The following GRIK1 variants were observed in gnomAD, a reference collection of about 807,000 sequenced individuals.
GRIK1 encodes glutamate receptor ionotropic, kainate 1.
GRIK1 carries 69 observed loss-of-function variants against 105.7 expected under a neutral mutation model. The ratio of observed to expected loss-of-function variants is 0.65; its 90% CI spans 0.54 to 0.80. The LOEUF (loss-of-function observed/expected upper bound fraction) is 0.80. GRIK1 is among the 30% of genes least tolerant of loss of function. The probability of loss-of-function intolerance (pLI) is 0.00; values close to 1 mark genes in which losing one functional copy is unlikely to be tolerated. For synonymous variants in GRIK1, 438 were observed against 431.3 expected, an observed-to-expected ratio of 1.02 and a Z score of -0.19; for missense variants, 1,109 against 1,167.3, an observed-to-expected ratio of 0.95 and a Z score of 0.73.
At chr21:29,681,998 A>C (rs1454869640) in intron 3 of GRIK1, among the ~76,000 whole-genome samples, 2 of 152,228 alleles carry the variant, frequency 1.3e-5, no homozygotes, top group Middle Eastern at 3.2e-3. Flanking sequence ...CTTGGGTACT[A>C]CAGGAATCCT....
At chr21:29,745,062 A>T (rs2065017378) in intron 1 of GRIK1, among the ~76,000 whole-genome samples, 1 of 151,988 alleles carries the variant, frequency 6.6e-6, no homozygotes, top group South Asian at 2.1e-4. Flanking sequence ...AAGTGGTTAA[A>T]TGTCACTTCT....
In GRIK1 at chr21:29,830,361, ACT is replaced by A. The variant is rs1394822273; in HGVS notation, c.118+109020_118+109021del. On this transcript the variant is annotated intron_variant, in intron 1 of 17. Transcript: ENST00000327783. ...CACACACACACACACACACACACAC[ACT>A]CACACACATATTCTTATACAAAACA... is the stretch of plus-strand genomic sequence containing the variant. Among the ~76,000 whole-genome samples, 124 of 57,456 alleles carry A rather than the reference ACT, an allele frequency of 2.2e-3. 1 individual carries two copies. In the East Asian group the frequency reaches 0.026, roughly 12 times the overall value. 37.7% of individuals were successfully genotyped at this position (57,456 alleles called of 152,430 possible).
At chr21:29,925,015 A>G (rs1437096558) in intron 1 of GRIK1, among the ~76,000 whole-genome samples, 2 of 152,206 alleles carry the variant, frequency 1.3e-5, no homozygotes, top group Non-Finnish European at 2.9e-5. Context: ...CTATAAATTG[A>G]AGTCTAGATC....
chr21:29,673,089 G>A lies in GRIK1; in HGVS notation c.620C>T (p.Ser207Phe), dbSNP rs775812022. The A allele has an allele frequency of 5.0e-6, 8 of 1,612,008 alleles. No homozygotes were observed. The highest frequency in any genetic ancestry group is 5.9e-6 in the Non-Finnish European group (7 of 1,178,270). ...NIKIKIRQLP[S>F]GNKDAKPLLK... ...TAAAGGCTTGGCATCTTTATTCCCA[G>A]AGGGCAGCTGGCGGATTTTGATTTT... The change falls in exon 4 of 18, where the codon TCT becomes TTT. Residue 207 changes from serine to phenylalanine, a missense_variant. This residue lies in a region of GRIK1 where 612 missense variants were observed against 586.0 expected (regional missense o/e 1.04). Coordinates refer to ENST00000327783, the MANE Select transcript of GRIK1 (RefSeq NM_001330994.2).
intron 3 of GRIK1, among the ~76,000 whole-genome samples, chr21:29,683,581 C>T (rs767320167): frequency 2.6e-5 from 4 of 152,084 alleles, no homozygotes; most frequent in South Asian, 4.1e-4. Context: ...ATTGGGTACA[C>T]GTGGACATAA....
chr21:29,592,995 A>G (rs371794072), intron 9 of GRIK1, among the ~76,000 whole-genome samples: 3 of 152,180 alleles, frequency 2.0e-5, no homozygotes, highest in Non-Finnish European at 2.9e-5. Context: ...TTGCTTTTCT[A>G]TTTCTTGACT....
intron 1 of GRIK1, among the ~76,000 whole-genome samples, chr21:29,865,918 G>T (rs554875478): frequency 6.6e-6 from 1 of 152,326 alleles, no homozygotes; most frequent in East Asian, 1.9e-4. Flanking sequence ...GCCCTAATGT[G>T]TCTTGGTAGG....
At chr21:29,604,044 C>A (rs530388805) in intron 7 of GRIK1, among the ~76,000 whole-genome samples, 2 of 152,294 alleles carry the variant, frequency 1.3e-5, no homozygotes, top group South Asian at 4.1e-4. Flanking sequence ...GCATTTATCT[C>A]TTAGGGGAGC....
At chr21:29,704,031 T>A (rs2146780369) in intron 1 of GRIK1, among the ~76,000 whole-genome samples, 1 of 152,220 alleles carries the variant, frequency 6.6e-6, no homozygotes, top group East Asian at 1.9e-4. Flanking sequence ...GGCAGTTTAG[T>A]AAATACTATT....
intron 3 of GRIK1, 37 bp downstream of exon 3, chr21:29,689,691 A>T (rs940710018): frequency 6.3e-7 from 1 of 1,597,836 alleles, no homozygotes; most frequent in Admixed American, 1.7e-5. Context: ...TGTTCAGAGC[A>T]GACATGGTCG....
intron 1 of GRIK1, among the ~76,000 whole-genome samples, chr21:29,866,695 T>A (rs888649464): frequency 2.6e-5 from 4 of 152,170 alleles, no homozygotes; most frequent in Non-Finnish European, 5.9e-5. Flanking sequence ...ACGTCAAAGA[T>A]TACGGCATGT....
chr21:29,568,643 A>C (rs2090666633), intron 14 of GRIK1, among the ~76,000 whole-genome samples: 1 of 152,220 alleles, frequency 6.6e-6, no homozygotes, highest in Non-Finnish European at 1.5e-5. Flanking sequence ...ATTTGTTACA[A>C]GGCAAGCTTC....
At chr21:29,577,331 C>G (rs1042364629) in intron 13 of GRIK1, 150 bp from the exon 14 acceptor site, 1 of 543,432 alleles carries the variant, frequency 1.8e-6, no homozygotes, top group Non-Finnish European at 3.3e-6. Context: ...GAAAATGGAG[C>G]AAAATCTTAA....
At chr21:29,856,409 A>G (rs2068466203) in intron 1 of GRIK1, among the ~76,000 whole-genome samples, 1 of 152,244 alleles carries the variant, frequency 6.6e-6, no homozygotes, top group South Asian at 2.1e-4. Flanking sequence ...ACATGATCAC[A>G]TGATAATTAC....
chr21:29,748,424 T>G (rs1264707460), intron 1 of GRIK1: 1 of 152,206 alleles, frequency 6.6e-6, no homozygotes, highest in Non-Finnish European at 1.5e-5. Context: ...GTCTGGAAAT[T>G]TCCTGAGTAG....
chr21:29,842,082 C>A (rs1161789406), intron 1 of GRIK1, among the ~76,000 whole-genome samples: 1 of 152,130 alleles, frequency 6.6e-6, no homozygotes, highest in African/African-American at 2.4e-5. Context: ...AGCAAACTCA[C>A]TAGTGTGATC....
intron 1 of GRIK1, among the ~76,000 whole-genome samples, chr21:29,890,066 T>C (rs1368116213): frequency 6.6e-6 from 1 of 152,158 alleles, no homozygotes; most frequent in Admixed American, 6.5e-5. Flanking sequence ...ATAAGTCATG[T>C]GATACTGTTT....
chr21:29,576,538 A>C (rs1359139175), intron 14 of GRIK1, among the ~76,000 whole-genome samples: 2 of 152,212 alleles, frequency 1.3e-5, no homozygotes, highest in Non-Finnish European at 2.9e-5. Flanking sequence ...CATCAAGTAC[A>C]GGACCGAAAG....
At chr21:29,642,799 C>CCT (rs1489614574) in intron 7 of GRIK1, 27 bp downstream of exon 7, 25 of 1,611,010 alleles carry the variant, frequency 1.6e-5, no homozygotes, top group Middle Eastern at 1.6e-4. Context: ...CAGAAGGGCC[C>CCT]CTGGGCTGTG....
Sources: gnomAD v4.1 joint callset for allele counts (sites outside exome capture counted in the v4.1 genomes callset) on GRCh38, gnomAD v4.1.1 for gene constraint, gnomAD v4.1.1 regional missense constraint, MANE v1.5 for transcripts, NCBI Gene and HGNC (gene_info 2026-07-23, HGNC 2026-07-21) for gene names.